The following PCYT1B variants were observed in gnomAD, a reference collection of about 807,000 sequenced individuals.
PCYT1B encodes the protein choline-phosphate cytidylyltransferase B.
PCYT1B carries 10 observed loss-of-function variants against 26.4 expected under a neutral mutation model. That is an observed-to-expected ratio of 0.38 (90% CI 0.23 to 0.64). PCYT1B has a LOEUF of 0.64. Ranked by LOEUF, PCYT1B falls within the 30% of genes least tolerant of loss-of-function variation. PCYT1B has a pLI of 0.56. For synonymous variants in PCYT1B, 131 were observed against 108.4 expected, an observed-to-expected ratio of 1.21 and a Z score of -1.29; for missense variants, 161 against 292.7, an observed-to-expected ratio of 0.55 and a Z score of 3.28.
chrX:24,588,173 T>C (rs1924433882), intron 4 of PCYT1B, among the ~76,000 whole-genome samples: 2 of 111,251 alleles, frequency 1.8e-5, no homozygotes, highest in South Asian at 3.9e-4. Context: ...TGTGTGTGTG[T>C]TTGTGTGCAC....
chrX:24,624,133 C>T (rs1168049140), intron 1 of PCYT1B, among the ~76,000 whole-genome samples: 2 of 110,125 alleles, frequency 1.8e-5, no homozygotes, highest in African/African-American at 6.6e-5. Flanking sequence ...CCACACCCGG[C>T]TAATTTTTTG....
At chrX:24,664,550 A>C (rs758985571) in intron 1 of PCYT1B, among the ~76,000 whole-genome samples, 1 of 112,417 alleles carries the variant, frequency 8.9e-6, no homozygotes, top group South Asian at 3.7e-4. Context: ...AGGACGTACC[A>C]TCTCCTGACA....
chrX:24,617,119 A>T (rs1162029755), intron 2 of PCYT1B, among the ~76,000 whole-genome samples: 1 of 112,058 alleles, frequency 8.9e-6, no homozygotes, highest in Non-Finnish European at 1.9e-5. Flanking sequence ...CCTCTAGTAG[A>T]TTCTAATGCA....
chrX:24,616,102 T>C (rs1602182622), intron 2 of PCYT1B, among the ~76,000 whole-genome samples: 2 of 111,094 alleles, frequency 1.8e-5, no homozygotes, highest in Non-Finnish European at 3.8e-5. Context: ...CGAGCAGATA[T>C]ATACAGATAT....
chrX:24,569,828 T>C (rs1414756053), intron 7 of PCYT1B, among the ~76,000 whole-genome samples: 1 of 111,573 alleles, frequency 9.0e-6, no homozygotes, highest in Non-Finnish European at 1.9e-5. Flanking sequence ...AGATGGATGG[T>C]GGTGATGGTT....
In PCYT1B at chrX:24,561,328, C is replaced by T. The variant is rs750961877; in HGVS notation, c.*965G>A. On this transcript the variant is annotated 3_prime_UTR_variant, in exon 8 of 8. Coordinates refer to ENST00000379144, the MANE Select transcript of PCYT1B (RefSeq NM_004845.5). Reference sequence around the variant, plus strand: ...TATTGGAGCATATATAGAACAGATACGTGCAGGTAGCACCCCCTATTGGTA... The same window carrying T: ...TATTGGAGCATATATAGAACAGATATGTGCAGGTAGCACCCCCTATTGGTA... The T allele has an allele frequency of 7.2e-5, 8 of 111,839 alleles. No homozygotes were observed. Among genetic ancestry groups the T allele is most frequent in the African/African-American group, 2.0e-4 (6 of 30,654 alleles). 9.2% of individuals were successfully genotyped at this position (111,839 alleles called of 1,213,427 possible). A position where few individuals can be genotyped will look rare whatever the true frequency, so the allele number is the denominator to read the frequency against.
At chrX:24,571,523 T>TCATCAA (rs1483140324) in intron 7 of PCYT1B, among the ~76,000 whole-genome samples, 1 of 110,986 alleles carries the variant, frequency 9.0e-6, no homozygotes, top group Non-Finnish European at 1.9e-5. Flanking sequence ...ATCATCATCA[T>TCATCAA]CATCACTACT....
intron 1 of PCYT1B, among the ~76,000 whole-genome samples, chrX:24,665,671 A>G (rs765840459): frequency 1.8e-5 from 2 of 111,798 alleles, no homozygotes; most frequent in African/African-American, 3.2e-5. Context: ...CCTGGTGACT[A>G]TAACTCTCTC....
At chrX:24,618,609 G>A (rs931421067) in intron 2 of PCYT1B, among the ~76,000 whole-genome samples, 1 of 71,531 alleles carries the variant, frequency 1.4e-5, no homozygotes, top group Non-Finnish European at 2.5e-5. Flanking sequence ...AAATAATGAT[G>A]GGCCTTTCTG....
upstream of PCYT1B, among the ~76,000 whole-genome samples, chrX:24,651,804 C>T (rs1319641208): frequency 4.6e-5 from 5 of 108,801 alleles, no homozygotes; most frequent in Admixed American, 1.0e-4. Flanking sequence ...CATGAGGCAC[C>T]GCACCAACCC....
intron 7 of PCYT1B, among the ~76,000 whole-genome samples, chrX:24,573,468 A>G (rs930977869): frequency 4.5e-5 from 5 of 111,259 alleles, no homozygotes; most frequent in African/African-American, 1.3e-4. Context: ...ACTCACTCCA[A>G]GTGGAGAAAA....
chrX:24,589,942 C>T (rs1041536559), intron 4 of PCYT1B, 81 bp downstream of exon 4: 18 of 836,989 alleles, frequency 2.2e-5, no homozygotes, highest in African/African-American at 6.1e-5. Context: ...TTGAGAGAGA[C>T]TTTGGGCTTT....
chrX:24,666,794 C>A (rs1448926024), intron 1 of PCYT1B, among the ~76,000 whole-genome samples: 2 of 111,439 alleles, frequency 1.8e-5, no homozygotes, highest in Non-Finnish European at 3.8e-5. Context: ...GCCAGTTGCA[C>A]CATTTTCTTT....
intron 1 of PCYT1B, among the ~76,000 whole-genome samples, chrX:24,637,140 C>T (rs1425757952): frequency 9.1e-6 from 1 of 110,207 alleles, no homozygotes; most frequent in East Asian, 2.9e-4. Context: ...TTTATTTCTA[C>T]TCCTGTTCCC....
chrX:24,637,491 A>ATATATATATATATATATATATATAT (rs1555963532), intron 1 of PCYT1B, among the ~76,000 whole-genome samples: 1 of 52,894 alleles, frequency 1.9e-5, no homozygotes, highest in African/African-American at 1.5e-4. Flanking sequence ...AAAAAAAAAA[A>ATATATATATATATATATATATATAT]ATATATATAT....
At position 24,660,473 on chromosome X, in the gene PCYT1B, T is replaced by C. The variant is rs1378412170; in HGVS notation, c.63+12097A>G. ...CGGGCAGATCACCTGAGGTCAGGAG[T>C]TCGAAACCAGCCTGGCCAACATGGT... On this transcript the variant is annotated intron_variant, in intron 1 of 7. Coordinates refer to the PCYT1B transcript ENST00000379145. Among the ~76,000 whole-genome samples the C allele has an allele frequency of 2.8e-5, 3 of 108,496 alleles. No homozygotes were observed. The Admixed American group carries it at 2.9e-4, about 11-fold the overall frequency. 94.2% of individuals were successfully genotyped at this position (108,496 alleles called of 115,157 possible). A position where few individuals can be genotyped will look rare whatever the true frequency, so the allele number is the denominator to read the frequency against.
At chrX:24,591,211 A>T (rs1011360163) in intron 3 of PCYT1B, among the ~76,000 whole-genome samples, 1 of 111,237 alleles carries the variant, frequency 9.0e-6, no homozygotes, top group Non-Finnish European at 1.9e-5. Context: ...TTTTAAACAA[A>T]CTGAACAATA....
chrX:24,564,131 G>A (rs944973628), intron 7 of PCYT1B, among the ~76,000 whole-genome samples: 1 of 108,672 alleles, frequency 9.2e-6, no homozygotes, highest in Non-Finnish European at 1.9e-5. Flanking sequence ...GCAGTGAGCC[G>A]AGATGGCGCC....
rs373816879 is a variant in PCYT1B, at chrX:24,569,266, T to TA, written c.897+5863dup. 8.8e-3 allele frequency among the ~76,000 whole-genome samples: 921 copies of TA among 104,101 alleles called. 8 individuals carry two copies. The highest frequency in any genetic ancestry group is 0.021 in the African/African-American group (611 of 28,799). The allele number at this position is 104,101 out of a possible 115,157, so 90.4% of individuals were successfully genotyped here. On this transcript the variant is annotated intron_variant, in intron 7 of 7. Coordinates refer to ENST00000379144, the MANE Select transcript of PCYT1B (RefSeq NM_004845.5). ...AGTGCCTAAAATTAGGACGATTATTTAAAAAAAAAAACAAAGAAACAGAAA... is the reference window on the plus strand; with the variant it reads ...AGTGCCTAAAATTAGGACGATTATTTAAAAAAAAAAAACAAAGAAACAGAAA...
Sources: gnomAD v4.1 joint callset for allele counts (sites outside exome capture counted in the v4.1 genomes callset) on GRCh38, gnomAD v4.1.1 for gene constraint, MANE v1.5 for transcripts, NCBI Gene and HGNC (gene_info 2026-07-23, HGNC 2026-07-21) for gene names.